MICU3: variants seen among roughly 807,000 people sequenced by gnomAD.
MICU3 encodes the protein mitochondrial calcium uptake 3.
Under a neutral mutation model 66.5 loss-of-function variants are expected in MICU3, and 62 were observed. That is an observed-to-expected ratio of 0.93 (90% CI 0.76 to 1.15). The LOEUF is 1.15. MICU3 is among the 50% of genes most tolerant of loss of function. The pLI, the probability that MICU3 is intolerant of heterozygous loss-of-function variation, is 0.00. For synonymous variants in MICU3, 308 were observed against 240.7 expected (o/e 1.28, Z -2.59); for missense variants, 779 against 664.4 (o/e 1.17, Z -1.90).
intron 8 of MICU3, 89 bp downstream of exon 8, chr8:17,090,673 G>C: frequency 5.1e-6 from 5 of 977,702 alleles, no homozygotes; most frequent in Non-Finnish European, 5.9e-6. Context: ...AGCTATATCT[G>C]CTGTTTACTA....
intron 14 of MICU3, among the ~76,000 whole-genome samples, chr8:17,119,056 A>T (rs1274676709): frequency 6.6e-6 from 1 of 152,174 alleles, no homozygotes; most frequent in Non-Finnish European, 1.5e-5. Flanking sequence ...GATTCTGAGC[A>T]TCCACAGAAA....
Position 17,061,619 on chromosome 8 carries a change from G to A in MICU3, c.382-2465G>A, listed in dbSNP as rs117507299. ...AGATCATGCTGCAGAAACAGTGGGA[G>A]CTCCAGGCTGAGTGGTCCTCCATGA... On this transcript the variant is annotated intron_variant, in intron 1 of 14. Transcript: ENST00000318063. Among the ~76,000 whole-genome samples the A allele has an allele frequency of 3.3e-5, 5 of 152,258 alleles. No homozygotes were observed. In the East Asian group the frequency reaches 7.7e-4, roughly 24 times the overall value.
intron 1 of MICU3, among the ~76,000 whole-genome samples, chr8:17,038,363 A>G (rs1014825538): frequency 2.0e-5 from 3 of 152,134 alleles, no homozygotes; most frequent in African/African-American, 7.2e-5. Flanking sequence ...TATAAAGGAG[A>G]GTTCCTCTGC....
the MICU3 span, among the ~76,000 whole-genome samples, chr8:17,128,927 C>T: frequency 3.3e-5 from 5 of 152,124 alleles, no homozygotes; most frequent in Non-Finnish European, 7.3e-5. Flanking sequence ...CTAAGCTGTA[C>T]GTAAGCAAGG....
At chr8:17,105,248 G>T (rs1032451287) in intron 10 of MICU3, among the ~76,000 whole-genome samples, 165 bp from the exon 11 acceptor site, 2 of 151,928 alleles carry the variant, frequency 1.3e-5, no homozygotes, top group Non-Finnish European at 2.9e-5. Flanking sequence ...TAAAGCGATC[G>T]TGTGTTCTTT....
At chr8:17,079,450 C>A (rs1820852122) in intron 4 of MICU3, among the ~76,000 whole-genome samples, 1 of 151,974 alleles carries the variant, frequency 6.6e-6, no homozygotes, top group South Asian at 2.1e-4. Flanking sequence ...GTTAGAAGAG[C>A]CTTGCTTTTT....
At chr8:17,064,020 A>C in intron 1 of MICU3, 64 bp from the exon 2 acceptor site, 1 of 1,244,932 alleles carries the variant, frequency 8.0e-7, no homozygotes, top group Non-Finnish European at 1.1e-6. Context: ...ACATAATTAA[A>C]AGTATCTTCT....
chr8:17,045,534 G>A (rs1021500705), intron 1 of MICU3, among the ~76,000 whole-genome samples: 13 of 152,166 alleles, frequency 8.5e-5, no homozygotes, highest in South Asian at 4.1e-4. Context: ...ATGAAGTCCC[G>A]ATAAAAAGAC....
At chr8:17,066,848 C>T (rs1415041094) in intron 2 of MICU3, among the ~76,000 whole-genome samples, 1 of 151,980 alleles carries the variant, frequency 6.6e-6, no homozygotes, top group Non-Finnish European at 1.5e-5. Context: ...TGCCTGGCCA[C>T]AGTTTCATAT....
chr8:17,096,546 A>G (rs1444474694), intron 8 of MICU3, among the ~76,000 whole-genome samples: 1 of 151,858 alleles, frequency 6.6e-6, no homozygotes, highest in African/African-American at 2.4e-5. Context: ...TTCCTGCAGC[A>G]GTAGTTGCTG....
At chr8:17,052,211 T>G (rs1816211571) in intron 1 of MICU3, among the ~76,000 whole-genome samples, 1 of 152,166 alleles carries the variant, frequency 6.6e-6, no homozygotes, top group South Asian at 2.1e-4. Context: ...TAAATTTTTT[T>G]TTGTTTTTTA....
At chr8:17,065,435 GA>G (rs1818529904) in intron 2 of MICU3, among the ~76,000 whole-genome samples, 2 of 152,172 alleles carry the variant, frequency 1.3e-5, no homozygotes, top group Non-Finnish European at 2.9e-5. Flanking sequence ...GTGTATGAAT[GA>G]AATTGCCTAG....
At chr8:17,128,550 A>G in the MICU3 span, among the ~76,000 whole-genome samples, 30 of 152,240 alleles carry the variant, frequency 2.0e-4, no homozygotes, top group Admixed American at 8.5e-4. Flanking sequence ...ATTTCTAGAA[A>G]TAAGCATTTG....
chr8:17,064,388 CT>C, intron 2 of MICU3, 151 bp downstream of exon 2: 1 of 523,892 alleles, frequency 1.9e-6, no homozygotes, highest in Non-Finnish European at 3.2e-6. Flanking sequence ...ACTGATATTT[CT>C]TACAAACTCT....
intron 1 of MICU3, among the ~76,000 whole-genome samples, chr8:17,043,567 C>T (rs10111174): frequency 0.15 from 22,672 of 152,176 alleles, 3,468 homozygotes; most frequent in African/African-American, 0.39. Context: ...TTAAACATTA[C>T]TTCCTTTCTG....
chr8:17,085,993 A>C (rs75082262), intron 6 of MICU3, among the ~76,000 whole-genome samples: 1 of 152,078 alleles, frequency 6.6e-6, no homozygotes, highest in Non-Finnish European at 1.5e-5. Context: ...TCTGAAATAG[A>C]AAATACTATT....
At chr8:17,052,881 T>C (rs1015741385) in intron 1 of MICU3, among the ~76,000 whole-genome samples, 2 of 152,152 alleles carry the variant, frequency 1.3e-5, no homozygotes, top group Admixed American at 6.6e-5. Flanking sequence ...TAGAATCCCA[T>C]GCAAGTCCAT....
At chr8:17,137,342 T>C in the MICU3 span, among the ~76,000 whole-genome samples, 1 of 151,942 alleles carries the variant, frequency 6.6e-6, no homozygotes. Flanking sequence ...TCATACTAAT[T>C]TTTTTTCTCC....
At chr8:17,116,083 G>T (rs1268082617) in intron 12 of MICU3, among the ~76,000 whole-genome samples, 26 of 152,140 alleles carry the variant, frequency 1.7e-4, no homozygotes, top group Admixed American at 1.6e-3. Flanking sequence ...GGTAGTTTTT[G>T]TGTGGCCCCT....
Sources: gnomAD v4.1 joint callset for allele counts (sites outside exome capture counted in the v4.1 genomes callset) on GRCh38, gnomAD v4.1.1 for gene constraint, MANE v1.5 for transcripts, NCBI Gene and HGNC (gene_info 2026-07-23, HGNC 2026-07-21) for gene names.